Variants in LYPD6B observed in about 807,000 individuals in gnomAD.
The protein encoded by LYPD6B is ly6/PLAUR domain-containing protein 6B.
In LYPD6B, 17 loss-of-function variants were observed where a neutral mutation model predicts 22.8. The ratio of observed to expected loss-of-function variants is 0.75; its 90% CI spans 0.51 to 1.12. The LOEUF is 1.12. Ranked by LOEUF, LYPD6B falls within the 50% of genes most tolerant of loss-of-function variation. The probability of loss-of-function intolerance (pLI) is 0.00; values close to 1 mark genes in which losing one functional copy is unlikely to be tolerated. For synonymous variants in LYPD6B, 106 were observed against 91.6 expected (o/e 1.16, Z -0.90); for missense variants, 221 against 258.3 (o/e 0.86, Z 0.99).
intron 1 of LYPD6B, among the ~76,000 whole-genome samples, chr2:149,061,664 TTTGCCAGC>T (rs1337988141): frequency 2.6e-5 from 4 of 152,116 alleles, no homozygotes; most frequent in African/African-American, 9.7e-5. Context: ...ATACCATTCT[TTTGCCAGC>T]ATGTAAAATA....
intron 3 of LYPD6B, among the ~76,000 whole-genome samples, chr2:149,176,207 T>C (rs1329255272): frequency 1.3e-5 from 2 of 152,198 alleles, no homozygotes; most frequent in Non-Finnish European, 2.9e-5. Context: ...TCAGCTCCAT[T>C]CTCATCTTGT....
At chr2:149,179,618 A>G (rs530265686) in intron 3 of LYPD6B, among the ~76,000 whole-genome samples, 14 of 152,338 alleles carry the variant, frequency 9.2e-5, no homozygotes, top group African/African-American at 3.4e-4. Context: ...AGGCATTCAG[A>G]ATATCCAGGA....
intron 1 of LYPD6B, among the ~76,000 whole-genome samples, chr2:149,124,385 T>G (rs1390045706): frequency 6.6e-6 from 1 of 152,220 alleles, no homozygotes; most frequent in African/African-American, 2.4e-5. Context: ...TATGTGCATG[T>G]GGAAAACCCA....
Position 149,160,776 on chromosome 2 carries a change from G to A in LYPD6B, c.18G>A (p.Leu6=), listed in dbSNP as rs762407192. The A allele has an allele frequency of 1.9e-6, 3 of 1,555,190 alleles. No homozygotes were observed. Among genetic ancestry groups the A allele is most frequent in the Non-Finnish European group, 2.6e-6 (3 of 1,148,098 alleles). MLLIT[L]SANLFTVPER... ...TTATCTCTGGTAGGCTGATTACTCT[G>A]AGTGCAAACCTTTTCACTGTTCCAG... The change falls in exon 3 of 7, where the codon CTG becomes CTA. Residue 6 remains leucine, a synonymous_variant. Transcript: ENST00000409642.
At chr2:149,160,612 T>G in intron 2 of LYPD6B, 152 bp from the exon 3 acceptor site, 1 of 689,842 alleles carries the variant, frequency 1.4e-6, no homozygotes. Context: ...TTCATGCATT[T>G]GATATTGTTC....
intron 1 of LYPD6B, chr2:149,077,487 C>G (rs770758999): frequency 1.1e-4 from 17 of 152,052 alleles, no homozygotes; most frequent in Admixed American, 7.2e-4. Context: ...ATAACTATAA[C>G]TATGGTTTAA....
intron 3 of LYPD6B, among the ~76,000 whole-genome samples, chr2:149,161,177 G>A (rs1026061025): frequency 1.4e-4 from 22 of 152,304 alleles, no homozygotes; most frequent in Non-Finnish European, 1.6e-4. Context: ...ATGGGGGTGC[G>A]TCGGGGGTGT....
At chr2:149,172,445 C>T (rs905061800) in intron 3 of LYPD6B, among the ~76,000 whole-genome samples, 11 of 152,026 alleles carry the variant, frequency 7.2e-5, no homozygotes, top group African/African-American at 2.4e-4. Flanking sequence ...CGACCACATG[C>T]GTGGATTTGT....
chr2:149,106,512 A>G (rs763123028), intron 1 of LYPD6B, among the ~76,000 whole-genome samples: 11 of 152,186 alleles, frequency 7.2e-5, no homozygotes, highest in Non-Finnish European at 1.3e-4. Flanking sequence ...GGTAGATTGT[A>G]CCTTTTAAGT....
intron 1 of LYPD6B, among the ~76,000 whole-genome samples, chr2:149,061,983 T>C (rs1443523763): frequency 6.6e-6 from 1 of 152,022 alleles, no homozygotes; most frequent in African/African-American, 2.4e-5. Flanking sequence ...TTTTTTTTTT[T>C]TTTGAGATGG....
chr2:149,208,209 TAA>T, intron 4 of LYPD6B, 103 bp from the exon 5 acceptor site: 1 of 725,264 alleles, frequency 1.4e-6, no homozygotes, highest in Non-Finnish European at 2.4e-6. Context: ...TGAAAGCTTA[TAA>T]GTTTTGTTTC....
intron 1 of LYPD6B, chr2:149,077,637 T>C (rs1270896625): frequency 3.9e-5 from 6 of 152,202 alleles, no homozygotes; most frequent in Non-Finnish European, 7.3e-5. Context: ...TCTTGTTCTT[T>C]AAAATTAGTG....
intron 1 of LYPD6B, chr2:149,101,676 C>T (rs1686218230): frequency 6.6e-6 from 1 of 152,216 alleles, no homozygotes; most frequent in African/African-American, 2.4e-5. Flanking sequence ...GCTCATCTGC[C>T]CAGAGTGGGC....
chr2:149,122,024 A>AAAC (rs1687387977), intron 1 of LYPD6B, among the ~76,000 whole-genome samples: 1 of 152,174 alleles, frequency 6.6e-6, no homozygotes, highest in African/African-American at 2.4e-5. Flanking sequence ...AGACCAAAAC[A>AAAC]AACTATCACC....
chr2:149,156,447 C>T (rs1270266092), intron 2 of LYPD6B, among the ~76,000 whole-genome samples: 1 of 152,144 alleles, frequency 6.6e-6, no homozygotes, highest in Non-Finnish European at 1.5e-5. Flanking sequence ...CCTTCCATAA[C>T]AAAGCACCAC....
At chr2:149,099,480 G>GATCC in intron 1 of LYPD6B, among the ~76,000 whole-genome samples, 1 of 93,844 alleles carries the variant, frequency 1.1e-5, no homozygotes, top group South Asian at 3.9e-4. Context: ...TCCCCTCATG[G>GATCC]TAGGGTCACA....
intron 1 of LYPD6B, among the ~76,000 whole-genome samples, chr2:149,125,374 G>A (rs779701607): frequency 4.6e-5 from 7 of 152,162 alleles, no homozygotes; most frequent in Non-Finnish European, 1.0e-4. Context: ...CTTCCTGGAG[G>A]GTTTTTCTTT....
chr2:149,126,266 C>A (rs1331881783), intron 1 of LYPD6B, among the ~76,000 whole-genome samples: 3 of 152,134 alleles, frequency 2.0e-5, no homozygotes, highest in East Asian at 1.9e-4. Context: ...GACTCTCGGA[C>A]AATGGTGGGC....
intron 1 of LYPD6B, among the ~76,000 whole-genome samples, chr2:149,074,404 A>G (rs965425252): frequency 1.3e-5 from 2 of 152,238 alleles, no homozygotes; most frequent in Non-Finnish European, 2.9e-5. Context: ...ATTATAGCAC[A>G]TATCAGCCTG....
Sources: allele counts gnomAD v4.1 joint callset (sites outside exome capture counted in the v4.1 genomes callset), GRCh38; gene constraint gnomAD v4.1.1; transcripts MANE v1.5; gene names NCBI Gene and HGNC (gene_info 2026-07-23, HGNC 2026-07-21).